The following GLT8D2 variants were observed in gnomAD, a reference collection of about 807,000 sequenced individuals.
GLT8D2 encodes the protein glycosyltransferase 8 domain containing 2, also known as glycosyltransferase 8 domain-containing protein 2.
Under a neutral mutation model 44.5 loss-of-function variants are expected in GLT8D2, and 45 were observed. That is an observed-to-expected ratio of 1.01 (90% CI 0.80 to 1.30). GLT8D2 has a LOEUF of 1.30. Ranked by LOEUF, GLT8D2 falls within the 50% of genes most tolerant of loss-of-function variation. The pLI is 0.00. For synonymous variants in GLT8D2, 156 were observed against 157.2 expected, an observed-to-expected ratio of 0.99 and a Z score of 0.06; for missense variants, 400 against 430.4, an observed-to-expected ratio of 0.93 and a Z score of 0.62.
At chr12:104,012,763 TA>T in intron 4 of GLT8D2, 1 of 693,636 alleles carries the variant, frequency 1.4e-6, no homozygotes, top group Non-Finnish European at 2.6e-6. Context: ...TAATTGCCTT[TA>T]AAAAGGCAAA....
intron 5 of GLT8D2, among the ~76,000 whole-genome samples, chr12:104,001,349 G>A (rs969751152): frequency 1.8e-4 from 28 of 152,258 alleles, no homozygotes; most frequent in African/African-American, 5.8e-4. Flanking sequence ...TGTTGTACAC[G>A]TATTTTGGTA....
chr12:104,003,496 A>G (rs1302822963), intron 4 of GLT8D2, among the ~76,000 whole-genome samples, 190 bp from the exon 5 acceptor site: 4 of 151,778 alleles, frequency 2.6e-5, no homozygotes, highest in African/African-American at 7.3e-5. Context: ...ATAGCCAACC[A>G]CAAAGACTAT....
intron 6 of GLT8D2, among the ~76,000 whole-genome samples, chr12:103,997,914 TACACACACACACAC>T (rs59719067): frequency 0.055 from 8,013 of 146,134 alleles, 273 homozygotes; most frequent in South Asian, 0.08. Context: ...CAGCCTTAAA[TACACACACACACAC>T]ACACACACAC....
At position 104,015,097 on chromosome 12, in the gene GLT8D2, C is replaced by A. The variant is rs1227151921; in HGVS notation, c.28G>T (p.Val10Leu). The change falls in exon 4 of 11, where the codon GTG (valine) becomes TTG (leucine). Residue 10 changes from valine (V) to leucine (L), a missense_variant. Physicochemically the swap from Val to Leu is conservative, Grantham distance 32. Coordinates refer to ENST00000360814, the MANE Select transcript of GLT8D2 (RefSeq NM_001384711.1). Reference protein sequence around the residue: MALLRKINQVLLFLLIVTLC... With the variant: MALLRKINQLLLFLLIVTLC... ...GTCACGATCAGAAGGAACAGCAGCA[C>A]CTGATTAACTGAAATAGAAATGGAA... 1 of 1,612,116 alleles carries A rather than the reference C, an allele frequency of 6.2e-7. No homozygotes were observed. Among genetic ancestry groups the A allele is most frequent in the Admixed American group, 1.7e-5 (1 of 59,978 alleles).
chr12:104,061,018 A>G (rs1355144661), intron 1 of GLT8D2, among the ~76,000 whole-genome samples: 2 of 152,196 alleles, frequency 1.3e-5, no homozygotes, highest in Non-Finnish European at 2.9e-5. Flanking sequence ...TTGACAAGTC[A>G]AGGGCTGCCA....
At chr12:104,063,011 C>T (rs1420657254) in intron 1 of GLT8D2, among the ~76,000 whole-genome samples, 2 of 152,036 alleles carry the variant, frequency 1.3e-5, no homozygotes, top group African/African-American at 4.8e-5. Context: ...AAATTGTGTA[C>T]TCCCTATGAG....
At chr12:104,031,494 T>C (rs1879251833) in intron 1 of GLT8D2, 1 of 1,613,096 alleles carries the variant, frequency 6.2e-7, no homozygotes, top group African/African-American at 1.3e-5. Flanking sequence ...GAGGAGACGG[T>C]GCGCAAAGCC....
At chr12:104,029,512 A>G (rs1878993266) in intron 1 of GLT8D2, among the ~76,000 whole-genome samples, 1 of 152,124 alleles carries the variant, frequency 6.6e-6, no homozygotes, top group Admixed American at 6.5e-5. Context: ...GTGTGTAGAA[A>G]GAGAGAGAGT....
At chr12:104,035,552 T>C (rs1879836861) in intron 1 of GLT8D2, among the ~76,000 whole-genome samples, 1 of 151,948 alleles carries the variant, frequency 6.6e-6, no homozygotes, top group Admixed American at 6.6e-5. Context: ...TTCGATCAGG[T>C]GGAAGAAAGG....
chr12:104,023,319 T>G (rs1189250821), intron 1 of GLT8D2, among the ~76,000 whole-genome samples: 1 of 152,226 alleles, frequency 6.6e-6, no homozygotes, highest in African/African-American at 2.4e-5. Flanking sequence ...AAAATTGCTA[T>G]GCATACTATT....
rs370796720 is a variant in GLT8D2 at position 104,004,918 on chromosome 12, C to T, written c.113-1612G>A. Among the ~76,000 whole-genome samples, 1,074 of 152,170 alleles carry T rather than the reference C, an allele frequency of 7.1e-3. 8 individuals are homozygous for T. Among genetic ancestry groups the T allele is most frequent in the South Asian group, 0.03 (145 of 4,820 alleles). ...TATGGAACCAAAAAAGAGCCCGCATCGCCAAGTCAATCCTAAGCCAAAAGA... is the reference window on the plus strand; with the variant it reads ...TATGGAACCAAAAAAGAGCCCGCATTGCCAAGTCAATCCTAAGCCAAAAGA... On this transcript the variant is annotated intron_variant, in intron 4 of 10. Transcript: ENST00000360814.
intron 2 of GLT8D2, among the ~76,000 whole-genome samples, chr12:104,019,960 C>T (rs1011741703): frequency 6.6e-6 from 1 of 152,142 alleles, no homozygotes; most frequent in Non-Finnish European, 1.5e-5. Flanking sequence ...CGCTCCATCA[C>T]CCAGGCTGGA....
chr12:104,001,581 A>G (rs952014688), intron 5 of GLT8D2, among the ~76,000 whole-genome samples: 1 of 152,258 alleles, frequency 6.6e-6, no homozygotes, highest in African/African-American at 2.4e-5. Flanking sequence ...TGATGAGTGA[A>G]GATTGTCACT....
At position 103,997,340 on chromosome 12, in the gene GLT8D2, T is replaced by C. The variant is rs558032300; in HGVS notation, c.487+111A>G. 8.7e-6 allele frequency: 7 copies of C among 800,436 alleles called. No homozygotes were observed. In the East Asian group the frequency reaches 1.5e-4, roughly 17 times the overall value. 49.6% of individuals were successfully genotyped at this position (800,436 alleles called of 1,614,324 possible). On this transcript the variant is annotated intron_variant, in intron 7 of 10. Coordinates refer to ENST00000360814, the MANE Select transcript of GLT8D2 (RefSeq NM_001384711.1). ...AACAATACTGTACTCACAACTTAAA[T>C]AAGCAGTCAAAACTTGCTGCACAAT...
intron 1 of GLT8D2, chr12:104,029,636 T>C (rs1307134349): frequency 6.6e-6 from 1 of 152,200 alleles, no homozygotes; most frequent in African/African-American, 2.4e-5. Flanking sequence ...GAAATGAAGG[T>C]AATATAAGGC....
Position 104,003,229 on chromosome 12 carries a change from C to CA in GLT8D2, c.189dup (p.Ala64CysfsTer8). On this transcript the variant is annotated frameshift_variant, in exon 5 of 11. Coordinates refer to ENST00000360814, the MANE Select transcript of GLT8D2 (RefSeq NM_001384711.1). LOFTEE classifies it high-confidence loss of function. Reference sequence around the variant, plus strand: ...ATGCTATTGATGGCAGCCATAGTGGCACCCATCCTCCCTGCTGCAGCACAA... The same window carrying CA: ...ATGCTATTGATGGCAGCCATAGTGGCAACCCATCCTCCCTGCTGCAGCACAA... 6.2e-7 allele frequency: 1 copy of CA among 1,614,052 alleles called. No individual in the cohort carries two copies. The highest frequency in any genetic ancestry group is 8.5e-7 in the Non-Finnish European group (1 of 1,179,930).
At chr12:103,992,772 G>C (rs958742802) in intron 10 of GLT8D2, among the ~76,000 whole-genome samples, 3 of 152,052 alleles carry the variant, frequency 2.0e-5, no homozygotes, top group African/African-American at 7.2e-5. Context: ...GATTACAAGC[G>C]TGAGCCACCA....
chr12:104,012,669 A>G, intron 4 of GLT8D2: 1 of 565,914 alleles, frequency 1.8e-6, no homozygotes, highest in Non-Finnish European at 3.1e-6. Context: ...ATTGAGGTGT[A>G]GATACTGCTA....
chr12:104,050,320 C>A (rs1476009318), upstream of GLT8D2: 2 of 152,220 alleles, frequency 1.3e-5, no homozygotes, highest in Non-Finnish European at 2.9e-5. Flanking sequence ...CAGAGAAGAG[C>A]AAATGCTTTC....
Sources: gnomAD v4.1 joint callset for allele counts (sites outside exome capture counted in the v4.1 genomes callset) on GRCh38, gnomAD v4.1.1 for gene constraint, MANE v1.5 for transcripts, NCBI Gene and HGNC (gene_info 2026-07-23, HGNC 2026-07-21) for gene names.